Variants in TDRD3 observed in about 807,000 individuals in gnomAD.
The protein encoded by TDRD3 is tudor domain-containing protein 3.
Under a neutral mutation model 86.7 loss-of-function variants are expected in TDRD3, and 45 were observed. The observed-to-expected ratio is 0.52, with a 90% confidence interval of 0.41 to 0.67. The LOEUF (loss-of-function observed/expected upper bound fraction) is 0.67, where lower values mean the gene tolerates loss of function less well. Among genes scored for constraint, TDRD3 ranks in the 30% least tolerant of loss-of-function variants. The pLI is 0.00. For missense variants in TDRD3, 814 were observed against 889.0 expected, an observed-to-expected ratio of 0.92 and a Z score of 1.07; for synonymous variants, 298 against 301.7, an observed-to-expected ratio of 0.99 and a Z score of 0.13.
intron 12 of TDRD3, among the ~76,000 whole-genome samples, chr13:60,542,673 G>A (rs1957843446): frequency 6.6e-6 from 1 of 152,122 alleles, no homozygotes; most frequent in Non-Finnish European, 1.5e-5. Context: ...ATAATGAGTT[G>A]TCAGTTGTTC....
chr13:60,439,914 G>T, intron 2 of TDRD3, 142 bp downstream of exon 2: 1 of 531,192 alleles, frequency 1.9e-6, no homozygotes, highest in Non-Finnish European at 3.2e-6. Context: ...TAGTGATGAT[G>T]TTTGTTGAAT....
intron 1 of TDRD3, among the ~76,000 whole-genome samples, chr13:60,402,326 C>T (rs555727574): frequency 3.7e-4 from 57 of 152,306 alleles, no homozygotes; most frequent in Non-Finnish European, 7.6e-4. Context: ...TCAGTACAAC[C>T]TCTGCAGTAG....
At chr13:60,527,984 G>A (rs1957486250) in intron 10 of TDRD3, among the ~76,000 whole-genome samples, 1 of 152,170 alleles carries the variant, frequency 6.6e-6, no homozygotes, top group African/African-American at 2.4e-5. Context: ...TTCAGAAAGA[G>A]TTGATCAGGG....
At position 60,573,653 on chromosome 13, in the gene TDRD3, C is replaced by T; in HGVS notation, c.*47C>T. The T allele has an allele frequency of 1.0e-6, 1 of 985,318 alleles. No homozygotes were observed. Among genetic ancestry groups the T allele is most frequent in the Non-Finnish European group, 1.2e-6 (1 of 829,834 alleles). 61.0% of individuals were successfully genotyped at this position (985,318 alleles called of 1,614,324 possible). ...GAAACGAGCCAGTGACTGAAACACC[C>T]TGGTGGAAACCTGTTGACAGACCTT... On this transcript the variant is annotated 3_prime_UTR_variant, in exon 14 of 14. Transcript: ENST00000377881.
At chr13:60,561,871 TGTTG>T (rs746706366) in intron 12 of TDRD3, among the ~76,000 whole-genome samples, 16,664 of 150,140 alleles carry the variant, frequency 0.11, 1,187 homozygotes, top group South Asian at 0.24. Flanking sequence ...TTTTTGTTGT[TGTTG>T]TTGTTGTTGT....
At chr13:60,546,029 C>T (rs1484068383) in intron 12 of TDRD3, among the ~76,000 whole-genome samples, 1 of 152,074 alleles carries the variant, frequency 6.6e-6, no homozygotes, top group African/African-American at 2.4e-5. Context: ...CAACTCAGGA[C>T]TAGTGCTCAA....
intron 1 of TDRD3, among the ~76,000 whole-genome samples, chr13:60,412,840 A>G (rs971133637): frequency 6.6e-6 from 1 of 152,104 alleles, no homozygotes; most frequent in African/African-American, 2.4e-5. Flanking sequence ...TAAATTGCTT[A>G]TCATTATTCT....
At chr13:60,573,545 G>A (rs1958634434) in intron 13 of TDRD3, 71 bp from the exon 14 acceptor site, 1 of 899,032 alleles carries the variant, frequency 1.1e-6, no homozygotes, top group African/African-American at 1.8e-5. Flanking sequence ...CAGCAGAAAT[G>A]TATCTTGACA....
chr13:60,515,154 T>A (rs1039371811), intron 10 of TDRD3, among the ~76,000 whole-genome samples: 1 of 152,216 alleles, frequency 6.6e-6, no homozygotes, highest in Non-Finnish European at 1.5e-5. Flanking sequence ...TTAGCAGAAG[T>A]TATTTTGAAA....
chr13:60,570,960 C>T (rs1449189121), intron 13 of TDRD3, among the ~76,000 whole-genome samples: 8 of 152,132 alleles, frequency 5.3e-5, no homozygotes, highest in Admixed American at 5.2e-4. Flanking sequence ...AGTTCCTAAT[C>T]AACTTAAACA....
chr13:60,440,126 A>G (rs1955223888), intron 2 of TDRD3, among the ~76,000 whole-genome samples: 2 of 152,188 alleles, frequency 1.3e-5, no homozygotes, highest in Admixed American at 6.5e-5. Flanking sequence ...AACTCTAGCT[A>G]GGTTATAGCT....
rs1434261956 is a variant in TDRD3 at position 60,567,568 on chromosome 13, G to T, written c.2162G>T (p.Gly721Val). ...GATCAAACTCTGGAGTTCCGTAGGG[G>T]AGGTGATGGCCAGCCAAGACGATCC... ...TYDQTLEFRR[G>V]GDGQPRRSTR... Residue 721 changes from glycine to valine, a missense_variant, in exon 13 of 14, where the codon GGA becomes GTA. Transcript: ENST00000377881. 2 of 1,614,178 alleles carry T rather than the reference G, an allele frequency of 1.2e-6. No homozygotes were observed. The highest frequency in any genetic ancestry group is 2.2e-5 in the East Asian group (1 of 44,872).
At chr13:60,438,423 A>C (rs922296029) in intron 1 of TDRD3, among the ~76,000 whole-genome samples, 1 of 152,058 alleles carries the variant, frequency 6.6e-6, no homozygotes, top group South Asian at 2.1e-4. Context: ...CCATTTAACT[A>C]CTTGCCTTCA....
chr13:60,559,330 G>T (rs567709751), intron 12 of TDRD3, among the ~76,000 whole-genome samples: 1 of 152,250 alleles, frequency 6.6e-6, no homozygotes, highest in African/African-American at 2.4e-5. Flanking sequence ...GCTCTTACAT[G>T]CCAGTGCTGT....
intron 8 of TDRD3, among the ~76,000 whole-genome samples, chr13:60,508,423 A>G (rs540880489): frequency 1.3e-5 from 2 of 152,350 alleles, no homozygotes; most frequent in African/African-American, 4.8e-5. Flanking sequence ...AAACAAATAT[A>G]TAGACCAATG....
intron 12 of TDRD3, among the ~76,000 whole-genome samples, chr13:60,565,087 G>A (rs1233321423): frequency 3.5e-5 from 4 of 113,358 alleles, no homozygotes; most frequent in African/African-American, 7.1e-5. Context: ...ACGGAGTCTC[G>A]CTCTGTCGCC....
intron 5 of TDRD3, among the ~76,000 whole-genome samples, chr13:60,479,866 C>T (rs1346387164): frequency 6.6e-6 from 1 of 152,186 alleles, no homozygotes; most frequent in East Asian, 1.9e-4. Flanking sequence ...GTTTCTCCAT[C>T]CCTTTACCTT....
chr13:60,483,939 A>C, intron 6 of TDRD3, 93 bp downstream of exon 6: 1 of 1,227,674 alleles, frequency 8.1e-7, no homozygotes. Flanking sequence ...CTGAACTATT[A>C]AGAGGTTATG....
At chr13:60,519,141 T>G (rs1379156248) in intron 10 of TDRD3, among the ~76,000 whole-genome samples, 1 of 152,138 alleles carries the variant, frequency 6.6e-6, no homozygotes, top group Admixed American at 6.5e-5. Flanking sequence ...ATGAGCCTCT[T>G]TTTCATTTTT....
Sources: allele counts gnomAD v4.1 joint callset (sites outside exome capture counted in the v4.1 genomes callset), GRCh38; gene constraint gnomAD v4.1.1; transcripts MANE v1.5; gene names NCBI Gene and HGNC (gene_info 2026-07-23, HGNC 2026-07-21).